CALHM1: variants seen among roughly 807,000 people sequenced by gnomAD.
The protein encoded by CALHM1 is calcium homeostasis modulator protein 1.
Under a neutral mutation model 14.8 loss-of-function variants are expected in CALHM1, and 11 were observed. That is an observed-to-expected ratio of 0.74 (90% CI 0.47 to 1.23). The LOEUF (loss-of-function observed/expected upper bound fraction) is 1.23. CALHM1 is among the 50% of genes most tolerant of loss of function. The probability of loss-of-function intolerance (pLI) is 0.00; values close to 1 mark genes in which losing one functional copy is unlikely to be tolerated. For missense variants in CALHM1, 458 were observed against 496.4 expected (o/e 0.92, Z 0.74); for synonymous variants, 215 against 218.9 (o/e 0.98, Z 0.16).
In CALHM1 at chr10:103,458,106, G is replaced by A. The variant is rs981334186; in HGVS notation, c.555+91C>T. 8 of 1,445,012 alleles carry A rather than the reference G, an allele frequency of 5.5e-6. No homozygotes were observed. Among genetic ancestry groups the A allele is most frequent in the African/African-American group, 1.4e-5 (1 of 71,472 alleles). 89.5% of individuals were successfully genotyped at this position (1,445,012 alleles called of 1,614,324 possible). On this transcript the variant is annotated intron_variant, in intron 1 of 1. Coordinates refer to ENST00000329905, the MANE Select transcript of CALHM1 (RefSeq NM_001001412.4). The surrounding 1 kb of genome is among the most constrained non-coding windows in gnomAD (Gnocchi z 4.9). ...CACCTCGGAGCTCCACCTGAGCAGA[G>A]GCCCCATTTTGAGAGGTAGGGGGAT...
chr10:103,457,386 G>A (rs1369346763), intron 1 of CALHM1, among the ~76,000 whole-genome samples: 1 of 152,256 alleles, frequency 6.6e-6, no homozygotes, highest in Non-Finnish European at 1.5e-5. Flanking sequence ...CATCTGGGTG[G>A]TGACAGAGGC....
intron 1 of CALHM1, among the ~76,000 whole-genome samples, chr10:103,457,767 T>G (rs2033167553): frequency 6.6e-6 from 1 of 152,186 alleles, no homozygotes; most frequent in Non-Finnish European, 1.5e-5. Flanking sequence ...ACCCTGGTCC[T>G]CAGCTCCCAC....
rs1196749897 is a variant in CALHM1 at position 103,455,392 on chromosome 10, G to A, written c.911C>T (p.Thr304Met). 8.1e-6 allele frequency: 13 copies of A among 1,613,836 alleles called. No individual in the cohort carries two copies. The East Asian group carries it at 8.9e-5, about 11-fold the overall frequency. Residue 304 changes from threonine (T) to methionine (M), a missense_variant, in exon 2 of 2, where the codon ACG becomes ATG. Coordinates refer to ENST00000329905, the MANE Select transcript of CALHM1 (RefSeq NM_001001412.4). ...TDQGTMNRLL[T>M]SWHKCKPPLR... ...AGGCGGTTTGCATTTGTGCCAGCTC[G>A]TGAGCAGCCTGTTCATGGTGCCTTG...
In CALHM1 at chr10:103,458,349, C is replaced by G; in HGVS notation, c.403G>C (p.Val135Leu). The change falls in exon 1 of 2, where the codon GTG (valine) becomes CTG (leucine). Residue 135 changes from valine (V) to leucine (L), a missense_variant. Transcript: ENST00000329905. This position sits in a 1 kb window ranked among gnomAD's most constrained non-coding sequence, Gnocchi z 4.9. ...FLCAFCTAVP[V>L]SALGNGSLAP... ...AGGCTGCCGTTGCCCAGTGCGCTCACGGGCACGGCAGTGCAGAAGGCACAG... is the reference window on the plus strand; with the variant it reads ...AGGCTGCCGTTGCCCAGTGCGCTCAGGGGCACGGCAGTGCAGAAGGCACAG... 1 of 1,610,798 alleles carries G rather than the reference C, an allele frequency of 6.2e-7. No homozygotes were observed. The highest frequency in any genetic ancestry group is 8.5e-7 in the Non-Finnish European group (1 of 1,178,642).
In CALHM1 at chr10:103,458,707, G is replaced by A. The variant is rs2033188096; in HGVS notation, c.45C>T (p.Asn15=). 1 of 1,614,004 alleles carries A rather than the reference G, an allele frequency of 6.2e-7. No individual in the cohort carries two copies. The highest frequency in any genetic ancestry group is 8.5e-7 in the Non-Finnish European group (1 of 1,179,936). The change falls in exon 1 of 2, where the codon AAC becomes AAT. Residue 15 remains asparagine, a synonymous_variant. Coordinates refer to ENST00000329905, the MANE Select transcript of CALHM1 (RefSeq NM_001001412.4). This position sits in a 1 kb window ranked among gnomAD's most constrained non-coding sequence, Gnocchi z 4.9. ...AGATGCCATTCATGAAGGACTCCTG[G>A]TTGGACTGCAGGAACTGGAAGATCA... The part of the protein sequence containing the change: ...FRMIFQFLQS[N]QESFMNGICG...
Position 103,455,400 on chromosome 10 carries a change from C to A in CALHM1, c.903G>T (p.Arg301Ser). Residue 301 changes from arginine (R) to serine (S), a missense_variant, in exon 2 of 2, where the codon AGG becomes AGT. Transcript: ENST00000329905. Reference sequence around the variant, plus strand: ...TGCATTTGTGCCAGCTCGTGAGCAGCCTGTTCATGGTGCCTTGATCCGTGA... The same window carrying A: ...TGCATTTGTGCCAGCTCGTGAGCAGACTGTTCATGGTGCCTTGATCCGTGA... Reference protein sequence around the residue: ...RGITDQGTMNRLLTSWHKCKP... With the variant: ...RGITDQGTMNSLLTSWHKCKP... The A allele has an allele frequency of 1.2e-6, 2 of 1,614,046 alleles. No individual in the cohort carries two copies. The highest frequency in any genetic ancestry group is 1.7e-6 in the Non-Finnish European group (2 of 1,180,048).
rs564554721 is a variant in CALHM1, at chr10:103,458,186, C to T, written c.555+11G>A. ...CAGGGAGACCCAGCGTGAAGCCATG[C>T]GGCCCCTCACCTGGGAGATGCAGCG... On this transcript the variant is annotated intron_variant, in intron 1 of 1. Coordinates refer to ENST00000329905, the MANE Select transcript of CALHM1 (RefSeq NM_001001412.4). The surrounding 1 kb of genome is among the most constrained non-coding windows in gnomAD (Gnocchi z 4.9). 30 of 1,611,514 alleles carry T rather than the reference C, an allele frequency of 1.9e-5. No homozygotes were observed. The highest frequency in any genetic ancestry group is 8.9e-5 in the East Asian group (4 of 44,868).
Position 103,458,841 on chromosome 10 carries a change from T to C in CALHM1, c.-90A>G, listed in dbSNP as rs2033190599. The C allele has an allele frequency of 2.2e-6, 3 of 1,348,324 alleles. No homozygotes were observed. The highest frequency in any genetic ancestry group is 3.0e-6 in the Non-Finnish European group (3 of 1,002,806). 83.5% of individuals were successfully genotyped at this position (1,348,324 alleles called of 1,614,324 possible). A position where few individuals can be genotyped will look rare whatever the true frequency, so the allele number is the denominator to read the frequency against. Reference sequence around the variant, plus strand: ...CCACCCTGCCCACTGGGTGCCCACCTCATGACTCGGGCTCTCCTGGCTGGG... The same window carrying C: ...CCACCCTGCCCACTGGGTGCCCACCCCATGACTCGGGCTCTCCTGGCTGGG... On this transcript the variant is annotated 5_prime_UTR_variant, in exon 1 of 2. Coordinates refer to ENST00000329905, the MANE Select transcript of CALHM1 (RefSeq NM_001001412.4). The surrounding 1 kb of genome is among the most constrained non-coding windows in gnomAD (Gnocchi z 4.9).
In CALHM1 at chr10:103,458,530, G is replaced by A. The variant is rs370776343; in HGVS notation, c.222C>T (p.Asn74=). The change falls in exon 1 of 2, where the codon AAC becomes AAT. Residue 74 remains asparagine, a synonymous_variant. Transcript: ENST00000329905. The surrounding 1 kb of genome is among the most constrained non-coding windows in gnomAD (Gnocchi z 4.9). ...LFLLGLVMNN[N]VSMLAEEWKR... ...TCCACTCTTCGGCCAGCATGGACAC[G>A]TTGTTGTTCATGACCAGGCCAAGCA... The A allele has an allele frequency of 4.5e-5, 73 of 1,613,700 alleles. No individual in the cohort carries two copies. Among genetic ancestry groups the A allele is most frequent in the Middle Eastern group, 1.6e-4 (1 of 6,062 alleles).
chr10:103,455,823 C>T (rs12241622), intron 1 of CALHM1, 76 bp from the exon 2 acceptor site: 1 of 1,504,448 alleles, frequency 6.6e-7, no homozygotes. Context: ...AAAGCACTCT[C>T]TATGCCAGTG....
At position 103,458,075 on chromosome 10, in the gene CALHM1, C is replaced by T; in HGVS notation, c.555+122G>A. On this transcript the variant is annotated intron_variant, in intron 1 of 1. Coordinates refer to ENST00000329905, the MANE Select transcript of CALHM1 (RefSeq NM_001001412.4). The surrounding 1 kb of genome is among the most constrained non-coding windows in gnomAD (Gnocchi z 4.9). ...CCTTCAGCCTCAGTTGGGAAGATGC[C>T]CCCCACACCTCGGAGCTCCACCTGA... 2.5e-6 allele frequency: 3 copies of T among 1,182,766 alleles called. No homozygotes were observed. Among genetic ancestry groups the T allele is most frequent in the Non-Finnish European group, 3.6e-6 (3 of 837,428 alleles). 73.3% of individuals were successfully genotyped at this position (1,182,766 alleles called of 1,614,324 possible). A position where few individuals can be genotyped will look rare whatever the true frequency, so the allele number is the denominator to read the frequency against.
rs1367579043 is a variant in CALHM1, at chr10:103,454,176, T to C, written c.*1086A>G. 2.6e-5 allele frequency: 4 copies of C among 152,248 alleles called. No homozygotes were observed. The highest frequency in any genetic ancestry group is 1.5e-5 in the Non-Finnish European group (1 of 68,048). 9.4% of individuals were successfully genotyped at this position (152,248 alleles called of 1,614,324 possible). A position where few individuals can be genotyped will look rare whatever the true frequency, so the allele number is the denominator to read the frequency against. ...TGCTGGGTGCCTACTATGTGCCATGTGCTTTTACACACAGCAACCCCATGA... is the reference window on the plus strand; with the variant it reads ...TGCTGGGTGCCTACTATGTGCCATGCGCTTTTACACACAGCAACCCCATGA... On this transcript the variant is annotated 3_prime_UTR_variant, in exon 2 of 2. Transcript: ENST00000329905.
chr10:103,456,087 C>T (rs2033147318), intron 1 of CALHM1, among the ~76,000 whole-genome samples: 1 of 152,220 alleles, frequency 6.6e-6, no homozygotes. Flanking sequence ...GAGCAAAGCA[C>T]TCAACTTCTC....
Position 103,455,657 on chromosome 10 carries a change from T to A in CALHM1, c.646A>T (p.Lys216Ter). Reference protein sequence around the residue: ...RPCFTQAAFLKSKYWSHYIDI... With the variant: ...RPCFTQAAFL ...ATATAGTGGGACCAGTACTTGCTCT[T>A]GAGGAAGGCGGCCTGCGTGAAGCAG... The change falls in exon 2 of 2, where the codon AAG becomes TAG. Residue 216 changes from lysine to a stop codon, truncating the protein, a stop_gained. Coordinates refer to ENST00000329905, the MANE Select transcript of CALHM1 (RefSeq NM_001001412.4). LOFTEE classifies it low-confidence loss of function (END_TRUNC). The A allele has an allele frequency of 6.2e-7, 1 of 1,613,588 alleles. No homozygotes were observed. The highest frequency in any genetic ancestry group is 8.5e-7 in the Non-Finnish European group (1 of 1,180,034).
rs747137805 is a variant in CALHM1 at position 103,455,298 on chromosome 10, C to T, written c.1005G>A (p.Pro335=). The T allele has an allele frequency of 9.3e-6, 15 of 1,612,100 alleles. No homozygotes were observed. Among genetic ancestry groups the T allele is most frequent in the South Asian group, 2.2e-5 (2 of 90,788 alleles). Residue 335 remains proline, a synonymous_variant, in exon 2 of 2, where the codon CCG becomes CCA. Coordinates refer to ENST00000329905, the MANE Select transcript of CALHM1 (RefSeq NM_001001412.4). The stretch of plus-strand genomic sequence containing the variant: ...TGAAGTAGGTGGCCACCTCCTTACG[C>T]GGAGGCCGGGGCCCACCCCCAGCCC... The part of the protein sequence containing the change: ...NGWAGGGPRP[P]RKEVATYFSK...
chr10:103,458,110 C>T lies in CALHM1; in HGVS notation c.555+87G>A. The T allele has an allele frequency of 6.8e-7, 1 of 1,478,944 alleles. No homozygotes were observed. The highest frequency in any genetic ancestry group is 1.2e-5 in the South Asian group (1 of 83,128). 91.6% of individuals were successfully genotyped at this position (1,478,944 alleles called of 1,614,324 possible). On this transcript the variant is annotated intron_variant, in intron 1 of 1. Coordinates refer to ENST00000329905, the MANE Select transcript of CALHM1 (RefSeq NM_001001412.4). This position sits in a 1 kb window ranked among gnomAD's most constrained non-coding sequence, Gnocchi z 4.9. The stretch of plus-strand genomic sequence containing the variant: ...TCGGAGCTCCACCTGAGCAGAGGCC[C>T]CATTTTGAGAGGTAGGGGGATAGGG...
intron 1 of CALHM1, among the ~76,000 whole-genome samples, chr10:103,457,459 A>AG (rs2033163277): frequency 6.6e-6 from 1 of 152,218 alleles, no homozygotes; most frequent in East Asian, 1.9e-4. Flanking sequence ...GCCAGGGCAG[A>AG]GTGTGCACGT....
intron 1 of CALHM1, among the ~76,000 whole-genome samples, chr10:103,456,268 C>T (rs1451201972): frequency 6.6e-6 from 1 of 152,218 alleles, no homozygotes; most frequent in African/African-American, 2.4e-5. Context: ...TGTGCCTCTT[C>T]TTTCAGGAAG....
In CALHM1 at chr10:103,453,429, A is replaced by C. The variant is rs1046811125; in HGVS notation, c.*1833T>G. On this transcript the variant is annotated 3_prime_UTR_variant, in exon 2 of 2. Transcript: ENST00000329905. The stretch of plus-strand genomic sequence containing the variant: ...CTTTATTCTTCTTCTTCTTCTTATT[A>C]TTATTATTACTTTACAGAGACAGAG... The C allele has an allele frequency of 6.0e-4, 90 of 150,690 alleles. 1 individual carries two copies. The highest frequency in any genetic ancestry group is 1.8e-3 in the African/African-American group (75 of 40,762). The allele number at this position is 150,690 out of a possible 1,614,324, so 9.3% of individuals were successfully genotyped here.
Sources: gnomAD v4.1 joint callset for allele counts (sites outside exome capture counted in the v4.1 genomes callset) on GRCh38, gnomAD v4.1.1 for gene constraint, Gnocchi (gnomAD v3.1) non-coding constraint, MANE v1.5 for transcripts, NCBI Gene and HGNC (gene_info 2026-07-23, HGNC 2026-07-21) for gene names.